PTPRK: variants seen among roughly 807,000 people sequenced by gnomAD.
PTPRK encodes the protein receptor-type tyrosine-protein phosphatase kappa.
A neutral mutation model predicts 178.0 loss-of-function variants in PTPRK; 75 were observed. The observed-to-expected ratio is 0.42, with a 90% CI of 0.35 to 0.51. The LOEUF (loss-of-function observed/expected upper bound fraction) is 0.51. Ranked by LOEUF, PTPRK falls within the 20% of genes least tolerant of loss-of-function variation. The pLI is 0.02. For missense variants in PTPRK, 1,441 were observed against 1,797.8 expected (o/e 0.80, Z 3.59); for synonymous variants, 637 against 620.6 (o/e 1.03, Z -0.39).
At chr6:128,149,902 A>G (rs1464737890) in intron 7 of PTPRK, among the ~76,000 whole-genome samples, 1 of 152,114 alleles carries the variant, frequency 6.6e-6, no homozygotes, top group Non-Finnish European at 1.5e-5. Flanking sequence ...ATTACTTCCA[A>G]CTAATTGTAG....
intron 2 of PTPRK, among the ~76,000 whole-genome samples, chr6:128,346,647 T>A: frequency 6.6e-6 from 1 of 152,130 alleles, no homozygotes; most frequent in Non-Finnish European, 1.5e-5. Context: ...TTCCCTTCAA[T>A]ACAAATGGAG....
intron 6 of PTPRK, among the ~76,000 whole-genome samples, chr6:128,204,917 AT>A (rs1275232983): frequency 2.0e-5 from 3 of 152,206 alleles, no homozygotes; most frequent in African/African-American, 7.2e-5. Flanking sequence ...TACTGGGTAT[AT>A]ACCCAAAAGA....
At chr6:128,238,222 G>A (rs1258672209) in intron 5 of PTPRK, 4 of 392,994 alleles carry the variant, frequency 1.0e-5, no homozygotes, top group Non-Finnish European at 1.9e-5. Context: ...AAAAAAAGAG[G>A]TGAGGTAGGG....
chr6:128,470,232 A>T (rs1850433424), intron 1 of PTPRK, among the ~76,000 whole-genome samples: 1 of 150,532 alleles, frequency 6.6e-6, no homozygotes, highest in Non-Finnish European at 1.5e-5. Flanking sequence ...TAAAACAATT[A>T]GTTATTCATC....
At chr6:128,307,655 C>T (rs1399551616) in intron 3 of PTPRK, among the ~76,000 whole-genome samples, 1 of 151,860 alleles carries the variant, frequency 6.6e-6, no homozygotes, top group Non-Finnish European at 1.5e-5. Context: ...GAGCAAAAGA[C>T]ACAAATGAAA....
chr6:128,446,258 G>A (rs1467866565), intron 1 of PTPRK, among the ~76,000 whole-genome samples: 1 of 152,080 alleles, frequency 6.6e-6, no homozygotes, highest in Non-Finnish European at 1.5e-5. Flanking sequence ...AGCTGCAGGG[G>A]GAATTAATTA....
At position 127,984,685 on chromosome 6, in the gene PTPRK, G is replaced by T. The variant is rs138430461; in HGVS notation, c.3251+1036C>A. Among the ~76,000 whole-genome samples, 24 of 152,184 alleles carry T rather than the reference G, an allele frequency of 1.6e-4. No individual in the cohort carries two copies. The East Asian group carries it at 3.7e-3, about 23-fold the overall frequency. On this transcript the variant is annotated intron_variant, in intron 22 of 29. Coordinates refer to ENST00000368226, the MANE Select transcript of PTPRK (RefSeq NM_002844.4). ...ATTATTTCCTTGTTATTCAGATTTG[G>T]TCACTTCTCTTAAACTCACTGTTCT...
At chr6:128,264,421 A>T (rs911376942) in intron 3 of PTPRK, among the ~76,000 whole-genome samples, 2 of 152,180 alleles carry the variant, frequency 1.3e-5, no homozygotes, top group Non-Finnish European at 2.9e-5. Flanking sequence ...TAAATACATA[A>T]GTCGTCATCA....
At chr6:128,244,583 G>A (rs76277081) in intron 3 of PTPRK, among the ~76,000 whole-genome samples, 3,494 of 152,256 alleles carry the variant, frequency 0.023, 111 homozygotes, top group African/African-American at 0.077. Flanking sequence ...TTTCAGATAC[G>A]TGTGTAAACA....
chr6:127,976,663 T>G lies in PTPRK; in HGVS notation c.3963A>C (p.Leu1321=). The part of the protein sequence containing the change: ...VINRIFRICN[L]TRPQEGYLMV... ...GGATCCGATAGTGACTTACTCTTGTTAGATTGCATATCCTAAAAATCCGGT... is the reference window on the plus strand; with the variant it reads ...GGATCCGATAGTGACTTACTCTTGTGAGATTGCATATCCTAAAAATCCGGT... The change falls in exon 27 of 30, where the codon CTA becomes CTC. Residue 1321 remains leucine (L), a synonymous_variant. Coordinates refer to ENST00000368226, the MANE Select transcript of PTPRK (RefSeq NM_002844.4). 1.9e-6 allele frequency: 3 copies of G among 1,614,088 alleles called. No individual in the cohort carries two copies. The highest frequency in any genetic ancestry group is 1.7e-6 in the Non-Finnish European group (2 of 1,179,988).
chr6:128,092,203 G>A (rs1232034278), intron 7 of PTPRK, among the ~76,000 whole-genome samples: 2 of 152,104 alleles, frequency 1.3e-5, no homozygotes, highest in East Asian at 3.9e-4. Flanking sequence ...AGCTTTCTAA[G>A]AATTGACAAA....
intron 7 of PTPRK, among the ~76,000 whole-genome samples, chr6:128,102,177 A>C (rs1266516403): frequency 6.6e-6 from 1 of 152,210 alleles, no homozygotes; most frequent in Non-Finnish European, 1.5e-5. Flanking sequence ...AATAAACTCC[A>C]AGATCAGTTG....
At chr6:128,361,390 G>A (rs1834718170) in intron 2 of PTPRK, among the ~76,000 whole-genome samples, 1 of 152,088 alleles carries the variant, frequency 6.6e-6, no homozygotes, top group South Asian at 2.1e-4. Flanking sequence ...CATAGCACAG[G>A]TGTGATTCTA....
chr6:128,353,568 A>G (rs548771055), intron 2 of PTPRK, among the ~76,000 whole-genome samples: 2 of 152,334 alleles, frequency 1.3e-5, no homozygotes, highest in African/African-American at 2.4e-5. Flanking sequence ...TCCTAAGGGA[A>G]TATCTAGATT....
At chr6:128,216,785 T>C (rs1809386444) in intron 6 of PTPRK, among the ~76,000 whole-genome samples, 1 of 150,864 alleles carries the variant, frequency 6.6e-6, no homozygotes, top group Non-Finnish European at 1.5e-5. Context: ...AGGCAGAAAA[T>C]GTTCGCATGA....
chr6:128,242,632 A>G (rs758967407), intron 3 of PTPRK, 30 bp from the exon 4 acceptor site: 1 of 1,605,880 alleles, frequency 6.2e-7, no homozygotes, highest in Non-Finnish European at 8.5e-7. Context: ...AATATTTACA[A>G]CAATAGTTTT....
chr6:128,201,094 A>T (rs1282461793), intron 6 of PTPRK, among the ~76,000 whole-genome samples: 1 of 152,172 alleles, frequency 6.6e-6, no homozygotes, highest in African/African-American at 2.4e-5. Context: ...AAGCACTATG[A>T]CTTTAAAAGA....
At chr6:128,025,631 G>A (rs1774177450) in intron 13 of PTPRK, among the ~76,000 whole-genome samples, 1 of 152,174 alleles carries the variant, frequency 6.6e-6, no homozygotes, top group South Asian at 2.1e-4. Flanking sequence ...GGGAACTAGA[G>A]GGCCCCAAAG....
chr6:128,082,528 G>A lies in PTPRK; in HGVS notation c.1686C>T (p.His562=). 1 of 1,613,140 alleles carries A rather than the reference G, an allele frequency of 6.2e-7. No homozygotes were observed. Among genetic ancestry groups the A allele is most frequent in the Non-Finnish European group, 8.5e-7 (1 of 1,179,220 alleles). ...TGAAAAACTGGTACGTGGTTCCAGG[G>A]TGGAGATGCATAAAGACATGGTGTG... is the stretch of plus-strand genomic sequence containing the variant. ...NSTHHVFMHL[H]PGTTYQFFIR... The change falls in exon 10 of 30, where the codon CAC becomes CAT. Residue 562 remains histidine (H), a synonymous_variant. Transcript: ENST00000368226.
Sources: allele counts gnomAD v4.1 joint callset (sites outside exome capture counted in the v4.1 genomes callset), GRCh38; gene constraint gnomAD v4.1.1; transcripts MANE v1.5; gene names NCBI Gene and HGNC (gene_info 2026-07-23, HGNC 2026-07-21).